Variants in VIPR2 observed in about 807,000 individuals in gnomAD.
VIPR2 encodes vasoactive intestinal peptide receptor 2, also known as vasoactive intestinal polypeptide receptor 2.
A neutral mutation model predicts 58.0 loss-of-function variants in VIPR2; 48 were observed. The observed-to-expected ratio is 0.83, with a 90% CI of 0.66 to 1.05. The LOEUF (loss-of-function observed/expected upper bound fraction) is 1.05. Among genes scored for constraint, VIPR2 ranks in the 50% least tolerant of loss-of-function variants. VIPR2 has a pLI of 0.00. For synonymous variants in VIPR2, 243 were observed against 235.2 expected (o/e 1.03, Z -0.30); for missense variants, 534 against 558.0 (o/e 0.96, Z 0.43).
intron 5 of VIPR2, among the ~76,000 whole-genome samples, chr7:159,044,967 C>T (rs532687615): frequency 4.6e-5 from 7 of 152,178 alleles, no homozygotes; most frequent in Admixed American, 6.5e-5. Flanking sequence ...GGTGGGGTTT[C>T]GCAACGTTGG....
Position 159,096,034 on chromosome 7 carries a change from G to A in VIPR2, c.357+7723C>T, listed in dbSNP as rs191551773. ...GGACGCACACCTTCTCAGAACCAGC[G>A]CCCCTGCCCCACCCACCTGTGGAGC... On this transcript the variant is annotated intron_variant, in intron 4 of 12. Transcript: ENST00000262178. The surrounding 1 kb of genome is among the most constrained non-coding windows in gnomAD (Gnocchi z 5.5). 5.3e-5 allele frequency among the ~76,000 whole-genome samples: 8 copies of A among 152,196 alleles called. No homozygotes were observed. The highest frequency in any genetic ancestry group is 1.9e-4 in the East Asian group (1 of 5,168).
intron 4 of VIPR2, among the ~76,000 whole-genome samples, chr7:159,064,656 C>T (rs1325976073): frequency 6.6e-6 from 1 of 152,146 alleles, no homozygotes; most frequent in African/African-American, 2.4e-5. Flanking sequence ...GCTGCTCTCT[C>T]GAGGCCGAGC....
At chr7:159,063,840 G>A (rs1246275412) in intron 4 of VIPR2, among the ~76,000 whole-genome samples, 1 of 106,812 alleles carries the variant, frequency 9.4e-6, no homozygotes, top group Admixed American at 9.1e-5. Context: ...GTCCTGGTGG[G>A]GTCTGGGGGG....
chr7:159,045,182 C>A (rs1349334460), intron 5 of VIPR2, among the ~76,000 whole-genome samples: 1 of 152,088 alleles, frequency 6.6e-6, no homozygotes, highest in African/African-American at 2.4e-5. Context: ...TGAAGAGAGC[C>A]CAAGAGCCTA....
chr7:159,031,807 C>T lies in VIPR2; in HGVS notation c.1143+21G>A. On this transcript the variant is annotated intron_variant, in intron 12 of 12. Coordinates refer to ENST00000262178, the MANE Select transcript of VIPR2 (RefSeq NM_003382.5). The surrounding 1 kb of genome is among the most constrained non-coding windows in gnomAD (Gnocchi z 4.0). ...AGCAAGTGAGTACCTGTGCTTGGTT[C>T]CAAGGCGGCCATGAACTTACCTCAC... 2 of 1,613,918 alleles carry T rather than the reference C, an allele frequency of 1.2e-6. No homozygotes were observed. The highest frequency in any genetic ancestry group is 1.7e-6 in the Non-Finnish European group (2 of 1,180,024).
chr7:159,143,330 G>A (rs1797549553), intron 1 of VIPR2, among the ~76,000 whole-genome samples: 1 of 152,224 alleles, frequency 6.6e-6, no homozygotes, highest in African/African-American at 2.4e-5. Context: ...GGGGCTTAAG[G>A]AGGGCTCCCC....
chr7:159,059,940 C>T (rs1215329469), intron 4 of VIPR2, among the ~76,000 whole-genome samples: 2 of 151,408 alleles, frequency 1.3e-5, no homozygotes, highest in Non-Finnish European at 2.9e-5. Flanking sequence ...TTCACCTAAC[C>T]ACCATCTCAC....
chr7:159,130,836 A>C (rs939018738), intron 2 of VIPR2, among the ~76,000 whole-genome samples: 30 of 152,260 alleles, frequency 2.0e-4, no homozygotes, highest in African/African-American at 7.0e-4. Flanking sequence ...GGTAAGTTAC[A>C]GATCCTTTGA....
chr7:159,072,193 G>T (rs1856444467), intron 4 of VIPR2, among the ~76,000 whole-genome samples: 1 of 150,364 alleles, frequency 6.7e-6, no homozygotes, highest in Admixed American at 6.6e-5. Flanking sequence ...GAACCCTGCG[G>T]CACCTGCTGG....
intron 1 of VIPR2, among the ~76,000 whole-genome samples, chr7:159,143,944 G>C (rs956880778): frequency 1.3e-5 from 2 of 152,216 alleles, no homozygotes; most frequent in Non-Finnish European, 2.9e-5. Context: ...ACCGGGCGTC[G>C]CCGGTTAATC....
intron 4 of VIPR2, among the ~76,000 whole-genome samples, chr7:159,101,582 G>A (rs1232627365): frequency 2.5e-5 from 3 of 118,694 alleles, no homozygotes; most frequent in Non-Finnish European, 5.1e-5. Flanking sequence ...CGGGTCTCAC[G>A]AGATCCGACG....
At chr7:159,137,288 C>CATAAAGAAA (rs1797271069) in intron 2 of VIPR2, among the ~76,000 whole-genome samples, 2 of 116,652 alleles carry the variant, frequency 1.7e-5, no homozygotes, top group East Asian at 2.7e-4. Flanking sequence ...ACCATAATTC[C>CATAAAGAAA]CTTTATGATT....
chr7:159,034,129 C>A (rs1249385216), intron 10 of VIPR2, 84 bp downstream of exon 10: 1 of 1,431,100 alleles, frequency 7.0e-7, no homozygotes, highest in Non-Finnish European at 9.7e-7. Context: ...CGCCGCACCT[C>A]CAGGGCCTTC....
At position 159,144,776 on chromosome 7, in the gene VIPR2, A is replaced by T. The variant is rs1797624288; in HGVS notation, c.-5T>A. The T allele has an allele frequency of 8.0e-7, 1 of 1,248,364 alleles. No homozygotes were observed. Among genetic ancestry groups the T allele is most frequent in the Non-Finnish European group, 1.0e-6 (1 of 997,920 alleles). 77.3% of individuals were successfully genotyped at this position (1,248,364 alleles called of 1,614,324 possible). On this transcript the variant is annotated 5_prime_UTR_variant, in exon 1 of 13. Coordinates refer to ENST00000262178, the MANE Select transcript of VIPR2 (RefSeq NM_003382.5). ...GGGAGGCAGCAGCGTCCGCATCCCG[A>T]GCTCAGCGTGCCGGGGGCCGCCCAG...
At chr7:159,102,936 C>T (rs192455741) in intron 4 of VIPR2, among the ~76,000 whole-genome samples, 7 of 152,326 alleles carry the variant, frequency 4.6e-5, no homozygotes, top group African/African-American at 9.6e-5. Context: ...CTATGGTGCC[C>T]GCCACCCACA....
intron 4 of VIPR2, among the ~76,000 whole-genome samples, chr7:159,078,127 T>C (rs1393742086): frequency 1.3e-5 from 2 of 152,220 alleles, no homozygotes; most frequent in African/African-American, 4.8e-5. Flanking sequence ...TGATATTGCC[T>C]GGGACATTCA....
chr7:159,060,776 C>T (rs1855602092), intron 4 of VIPR2, among the ~76,000 whole-genome samples: 1 of 152,200 alleles, frequency 6.6e-6, no homozygotes, highest in Non-Finnish European at 1.5e-5. Flanking sequence ...CCCACCCTCA[C>T]CTCACCTAAC....
chr7:159,059,402 A>C, intron 4 of VIPR2: 1 of 462,976 alleles, frequency 2.2e-6, no homozygotes, highest in Non-Finnish European at 4.5e-6. Context: ...TTATGTGATG[A>C]ATTTTATTTT....
intron 3 of VIPR2, among the ~76,000 whole-genome samples, chr7:159,107,235 C>T (rs1366888657): frequency 1.3e-5 from 2 of 152,130 alleles, no homozygotes; most frequent in African/African-American, 2.4e-5. Context: ...CTGGGTCTGG[C>T]TAAAACAGTG....
Sources: gnomAD v4.1 joint callset for allele counts (sites outside exome capture counted in the v4.1 genomes callset) on GRCh38, gnomAD v4.1.1 for gene constraint, Gnocchi (gnomAD v3.1) non-coding constraint, MANE v1.5 for transcripts, NCBI Gene and HGNC (gene_info 2026-07-23, HGNC 2026-07-21) for gene names.